The following OR51B5 variants were observed in gnomAD, a reference collection of about 807,000 sequenced individuals.
OR51B5 encodes the protein olfactory receptor family 51 subfamily B member 5.
For synonymous variants in OR51B5, 186 were observed against 144.8 expected, an observed-to-expected ratio of 1.28 and a Z score of -2.04; for missense variants, 456 against 374.6, an observed-to-expected ratio of 1.22 and a Z score of -1.79.
chr11:5,399,503 C>A (rs1030108545), intron 1 of OR51B5, among the ~76,000 whole-genome samples: 3 of 151,968 alleles, frequency 2.0e-5, no homozygotes, highest in Non-Finnish European at 4.4e-5. Context: ...AAAGTTATAC[C>A]GAACATAAGA....
At chr11:5,488,587 A>T in intron 1 of OR51B5, 1 of 774,236 alleles carries the variant, frequency 1.3e-6, no homozygotes, top group Non-Finnish European at 2.1e-6. Context: ...AAATTTTTTT[A>T]GTCTAAAAAA....
chr11:5,439,999 G>A (rs948421422), intron 1 of OR51B5, among the ~76,000 whole-genome samples: 1 of 152,098 alleles, frequency 6.6e-6, no homozygotes, highest in African/African-American at 2.4e-5. Context: ...AATTATCTCT[G>A]CCAAAATCAG....
chr11:5,366,603 A>T lies in OR51B5; in HGVS notation n.85-19693T>A, dbSNP rs180741684. ...CAGCAGCCTGGAAGGCAAAAGCAAG[A>T]TGAGAAAGAAATAGAGAAAGAGAGA... On this transcript the variant is annotated intron_variant and non_coding_transcript_variant, in intron 1 of 4. Transcript: ENST00000415970. 9.2e-5 allele frequency among the ~76,000 whole-genome samples: 14 copies of T among 151,612 alleles called. No individual in the cohort carries two copies. The East Asian group carries it at 2.7e-3, about 30-fold the overall frequency.
chr11:5,379,632 AG>A (rs1849580283), intron 1 of OR51B5, among the ~76,000 whole-genome samples: 1 of 151,866 alleles, frequency 6.6e-6, no homozygotes, highest in African/African-American at 2.4e-5. Context: ...ATATGCATTT[AG>A]TTGTGTTTTA....
chr11:5,490,209 T>C (rs1029512855), intron 1 of OR51B5, among the ~76,000 whole-genome samples: 1 of 152,204 alleles, frequency 6.6e-6, no homozygotes, highest in Non-Finnish European at 1.5e-5. Context: ...TAACTTTGAA[T>C]GTTGTAGTGA....
At chr11:5,360,919 T>C (rs1457217921) in intron 1 of OR51B5, among the ~76,000 whole-genome samples, 3 of 150,786 alleles carry the variant, frequency 2.0e-5, no homozygotes, top group Non-Finnish European at 2.9e-5. Flanking sequence ...ATGTTCTCAC[T>C]CATAGGTGGG....
chr11:5,422,389 G>A, intron 1 of OR51B5: 1 of 1,614,134 alleles, frequency 6.2e-7, no homozygotes, highest in Non-Finnish European at 8.5e-7. Context: ...GCATGTATCT[G>A]TTTCTCTCCA....
chr11:5,360,925 G>A (rs1176262472), intron 1 of OR51B5, among the ~76,000 whole-genome samples: 1 of 151,214 alleles, frequency 6.6e-6, no homozygotes, highest in East Asian at 1.9e-4. Flanking sequence ...TCACTCATAG[G>A]TGGGAATTGA....
upstream of OR51B5, chr11:5,343,624 T>A: frequency 1.8e-6 from 1 of 569,764 alleles, no homozygotes; most frequent in Non-Finnish European, 3.1e-6. Flanking sequence ...TTCTCAGAAT[T>A]TTTTCCTAAA....
At chr11:5,402,643 T>G (rs768441511) in intron 1 of OR51B5, 21 of 471,186 alleles carry the variant, frequency 4.5e-5, no homozygotes, top group Non-Finnish European at 1.3e-5. Context: ...ACGACTTTCA[T>G]TTTGGTTGGC....
intron 1 of OR51B5, among the ~76,000 whole-genome samples, chr11:5,357,620 T>A (rs1046815353): frequency 1.3e-5 from 2 of 151,830 alleles, no homozygotes; most frequent in African/African-American, 2.4e-5. Flanking sequence ...GGAATTGAAC[T>A]CAGCTCTGCA....
intron 1 of OR51B5, among the ~76,000 whole-genome samples, chr11:5,438,845 T>C (rs1850629589): frequency 6.6e-6 from 1 of 152,110 alleles, no homozygotes; most frequent in African/African-American, 2.4e-5. Context: ...CTTTTAACAA[T>C]GGAGCAAAGC....
chr11:5,346,945 A>T (rs1849001667), upstream of OR51B5: 1 of 152,168 alleles, frequency 6.6e-6, no homozygotes, highest in Non-Finnish European at 1.5e-5. Flanking sequence ...GTTATTAATA[A>T]AGATAGCACC....
intron 1 of OR51B5, among the ~76,000 whole-genome samples, chr11:5,395,875 G>A (rs1193476817): frequency 6.6e-6 from 1 of 152,162 alleles, no homozygotes; most frequent in Admixed American, 6.5e-5. Context: ...AGAGCTCACT[G>A]CAACATTGCT....
chr11:5,471,635 C>CAAA (rs34498667), intron 1 of OR51B5, among the ~76,000 whole-genome samples: 7,682 of 124,086 alleles, frequency 0.062, 510 homozygotes, highest in East Asian at 0.37. Context: ...GACTCTGTCT[C>CAAA]AAAAAAAAAA....
At chr11:5,446,037 T>C (rs932601700) in intron 1 of OR51B5, among the ~76,000 whole-genome samples, 3 of 151,928 alleles carry the variant, frequency 2.0e-5, no homozygotes, top group Admixed American at 1.3e-4. Flanking sequence ...TTCTCACTCA[T>C]AGGTGGGAAT....
At position 5,377,899 on chromosome 11, in the gene OR51B5, T is replaced by C. The variant is rs1053398572; in HGVS notation, n.85-30989A>G. Among the ~76,000 whole-genome samples the C allele has an allele frequency of 1.3e-3, 192 of 152,274 alleles. 2 individuals are homozygous for C. Among genetic ancestry groups the C allele is most frequent in the African/African-American group, 4.4e-3 (182 of 41,534 alleles). On this transcript the variant is annotated intron_variant and non_coding_transcript_variant, in intron 1 of 4. Transcript: ENST00000415970. ...TGGCCATAATGCCCAAGGTAATTTA[T>C]AGATTCAATGCCATCCCCATCAAGC... is the stretch of plus-strand genomic sequence containing the variant.
intron 1 of OR51B5, among the ~76,000 whole-genome samples, chr11:5,476,939 G>A (rs1431254092): frequency 1.3e-5 from 2 of 152,152 alleles, no homozygotes; most frequent in African/African-American, 4.8e-5. Flanking sequence ...TGGTCAAAAG[G>A]TACAAAGTTT....
chr11:5,468,924 T>C (rs1026569102), intron 1 of OR51B5: 4 of 358,896 alleles, frequency 1.1e-5, no homozygotes, highest in Non-Finnish European at 2.2e-5. Context: ...AAAGGCAGTC[T>C]CTTCAGGAGG....
Sources: gnomAD v4.1 joint callset for allele counts (sites outside exome capture counted in the v4.1 genomes callset) on GRCh38, gnomAD v4.1.1 for gene constraint, MANE v1.5 for transcripts, NCBI Gene and HGNC (gene_info 2026-07-23, HGNC 2026-07-21) for gene names.